Variants in TCTN2 observed in about 807,000 individuals in gnomAD.
The protein encoded by TCTN2 is tectonic family member 2.
A neutral mutation model predicts 83.4 loss-of-function variants in TCTN2; 66 were observed. That is an observed-to-expected ratio of 0.79 (90% CI 0.65 to 0.97). The LOEUF (loss-of-function observed/expected upper bound fraction) is 0.97. Ranked by LOEUF, TCTN2 falls within the 50% of genes least tolerant of loss-of-function variation. The pLI is 0.00. For missense variants in TCTN2, 794 were observed against 858.1 expected, an observed-to-expected ratio of 0.93 and a Z score of 0.93; for synonymous variants, 301 against 326.7, an observed-to-expected ratio of 0.92 and a Z score of 0.85.
At chr12:123,683,848 C>CT (rs1566249846) in intron 5 of TCTN2, among the ~76,000 whole-genome samples, 1 of 152,158 alleles carries the variant, frequency 6.6e-6, no homozygotes, top group African/African-American at 2.4e-5. Context: ...ACCGTATTAA[C>CT]TAGGGTGGTC....
intron 5 of TCTN2, among the ~76,000 whole-genome samples, chr12:123,680,974 A>G (rs1465255753): frequency 6.6e-6 from 1 of 152,154 alleles, no homozygotes; most frequent in African/African-American, 2.4e-5. Flanking sequence ...AAAAGAAAGA[A>G]TAAGAAAGAA....
At position 123,671,623 on chromosome 12, in the gene TCTN2, C is replaced by T. The variant is rs770450608; in HGVS notation, c.190+9C>T. 1.9e-6 allele frequency: 3 copies of T among 1,608,840 alleles called. No individual in the cohort carries two copies. The highest frequency in any genetic ancestry group is 1.1e-5 in the South Asian group (1 of 91,050). The stretch of plus-strand genomic sequence containing the variant: ...GCTGCAGGACGAGGCGGGTAAAGTC[C>T]GGCCCTCTTTTGGGGAGGGTGGGGG... On this transcript the variant is annotated intron_variant, in intron 2 of 17. Transcript: ENST00000303372.
intron 5 of TCTN2, among the ~76,000 whole-genome samples, chr12:123,683,363 C>T (rs1955923259): frequency 6.6e-6 from 1 of 151,682 alleles, no homozygotes; most frequent in Admixed American, 6.6e-5. Context: ...TCACTGCAAC[C>T]TCTGCCTCCT....
intron 9 of TCTN2, 104 bp from the exon 10 acceptor site, chr12:123,694,738 G>T: frequency 8.0e-7 from 1 of 1,249,418 alleles, no homozygotes; most frequent in Non-Finnish European, 1.2e-6. Flanking sequence ...GGAGGGCAGG[G>T]GCAGGGCACT....
At position 123,671,204 on chromosome 12, in the gene TCTN2, C is replaced by A. The variant is rs557696524; in HGVS notation, c.-37C>A. ...AGTCCTTCCTGGGTTCTAATGAGGG[C>A]GCGGTTCTGCTGTGCCCGGCCCGCG... On this transcript the variant is annotated 5_prime_UTR_variant, in exon 1 of 18. Transcript: ENST00000303372. 1 of 1,588,470 alleles carries A rather than the reference C, an allele frequency of 6.3e-7. No homozygotes were observed. Among genetic ancestry groups the A allele is most frequent in the Non-Finnish European group, 8.6e-7 (1 of 1,165,288 alleles).
At chr12:123,706,222 GA>G (rs1241984692) in intron 15 of TCTN2, among the ~76,000 whole-genome samples, 1 of 152,148 alleles carries the variant, frequency 6.6e-6, no homozygotes, top group African/African-American at 2.4e-5. Context: ...CTGCTCCACT[GA>G]ACTGGAAATG....
At position 123,708,067 on chromosome 12, in the gene TCTN2, G is replaced by A. The variant is rs940663904; in HGVS notation, c.*354G>A. 15 of 276,002 alleles carry A rather than the reference G, an allele frequency of 5.4e-5. No individual in the cohort carries two copies. The highest frequency in any genetic ancestry group is 2.9e-4 in the Admixed American group (5 of 17,302). 17.1% of individuals were successfully genotyped at this position (276,002 alleles called of 1,614,324 possible). ...TCTGTCACCCAGGCTGGAGTGCAGT[G>A]CACAATCTCGGCTCACTGCAATCTC... On this transcript the variant is annotated 3_prime_UTR_variant, in exon 18 of 18. Coordinates refer to ENST00000303372, the MANE Select transcript of TCTN2 (RefSeq NM_024809.5).
intron 14 of TCTN2, among the ~76,000 whole-genome samples, chr12:123,703,074 C>G (rs367790277): frequency 6.6e-6 from 1 of 152,148 alleles, no homozygotes; most frequent in Non-Finnish European, 1.5e-5. Context: ...TCATTCTCTT[C>G]CAATTGTATT....
intron 4 of TCTN2, among the ~76,000 whole-genome samples, chr12:123,677,965 C>A (rs77996773): frequency 6.6e-6 from 1 of 152,158 alleles, no homozygotes; most frequent in Admixed American, 6.5e-5. Flanking sequence ...TCAGGCTCAG[C>A]GCATTCTCTC....
chr12:123,672,198 C>A, intron 3 of TCTN2, 66 bp downstream of exon 3: 1 of 1,348,684 alleles, frequency 7.4e-7, no homozygotes, highest in African/African-American at 1.4e-5. Flanking sequence ...TTCTGCAGTG[C>A]TCTCTTTATT....
Position 123,708,068 on chromosome 12 carries a change from C to T in TCTN2, c.*355C>T, listed in dbSNP as rs527407608. On this transcript the variant is annotated 3_prime_UTR_variant, in exon 18 of 18. Transcript: ENST00000303372. ...CTGTCACCCAGGCTGGAGTGCAGTG[C>T]ACAATCTCGGCTCACTGCAATCTCT... 1.5e-5 allele frequency: 4 copies of T among 272,654 alleles called. No individual in the cohort carries two copies. The highest frequency in any genetic ancestry group is 1.2e-4 in the Admixed American group (2 of 16,414). The allele number at this position is 272,654 out of a possible 1,614,324, so 16.9% of individuals were successfully genotyped here.
chr12:123,707,730 T>C lies in TCTN2; in HGVS notation c.*17T>C. The C allele has an allele frequency of 6.2e-7, 1 of 1,600,362 alleles. No individual in the cohort carries two copies. Among genetic ancestry groups the C allele is most frequent in the East Asian group, 2.2e-5 (1 of 44,828 alleles). The stretch of plus-strand genomic sequence containing the variant: ...TATAGTTAGACAACCACCTGGCTTT[T>C]ATTTTTTTGAGATGGAGTTTTGCTC... On this transcript the variant is annotated 3_prime_UTR_variant, in exon 18 of 18. Transcript: ENST00000303372.
chr12:123,702,804 G>A (rs928832340), intron 14 of TCTN2, among the ~76,000 whole-genome samples: 26 of 152,352 alleles, frequency 1.7e-4, no homozygotes, highest in African/African-American at 6.0e-4. Context: ...ATGACATTTT[G>A]TTGCCTTCAA....
intron 15 of TCTN2, among the ~76,000 whole-genome samples, chr12:123,704,921 G>T (rs1018492983): frequency 6.6e-6 from 1 of 152,050 alleles, no homozygotes; most frequent in East Asian, 1.9e-4. Flanking sequence ...TTATTTTAGG[G>T]AGTACAAAGA....
intron 9 of TCTN2, among the ~76,000 whole-genome samples, chr12:123,694,369 T>C (rs1386468485): frequency 1.3e-5 from 2 of 152,248 alleles, no homozygotes; most frequent in African/African-American, 4.8e-5. Context: ...CCTCAGGTGA[T>C]CTGCCCACCT....
At chr12:123,701,336 C>T (rs560312603) in intron 14 of TCTN2, among the ~76,000 whole-genome samples, 1 of 152,294 alleles carries the variant, frequency 6.6e-6, no homozygotes, top group South Asian at 2.1e-4. Flanking sequence ...CTGATAGTCA[C>T]AGCTTTGTGA....
Position 123,691,805 on chromosome 12 carries a change from C to T in TCTN2, c.1034-853C>T, listed in dbSNP as rs191163853. On this transcript the variant is annotated intron_variant, in intron 8 of 17. Coordinates refer to ENST00000303372, the MANE Select transcript of TCTN2 (RefSeq NM_024809.5). The stretch of plus-strand genomic sequence containing the variant: ...GGAGTGCAGTGACGTGATCTCGGCT[C>T]GCTGCAACCTCCACCTCCCTGGTTC... 3.3e-5 allele frequency among the ~76,000 whole-genome samples: 5 copies of T among 150,904 alleles called. 1 individual carries two copies. Among genetic ancestry groups the T allele is most frequent in the Non-Finnish European group, 5.9e-5 (4 of 67,882 alleles).
At chr12:123,699,564 C>A in intron 13 of TCTN2, 140 bp from the exon 14 acceptor site, 1 of 735,082 alleles carries the variant, frequency 1.4e-6, no homozygotes, top group South Asian at 1.5e-5. Context: ...CCATGGGTGA[C>A]ACCCAGCCAG....
intron 14 of TCTN2, among the ~76,000 whole-genome samples, chr12:123,703,552 A>T (rs1011714257): frequency 6.6e-6 from 1 of 152,206 alleles, no homozygotes; most frequent in Non-Finnish European, 1.5e-5. Context: ...GTGCCATGCC[A>T]TCACGGCTTA....
Sources: allele counts gnomAD v4.1 joint callset (sites outside exome capture counted in the v4.1 genomes callset), GRCh38; gene constraint gnomAD v4.1.1; transcripts MANE v1.5; gene names NCBI Gene and HGNC (gene_info 2026-07-23, HGNC 2026-07-21).